Variants in SYT2 observed in about 807,000 individuals in gnomAD.
SYT2 encodes the protein synaptotagmin 2.
In SYT2, 15 loss-of-function variants were observed where a neutral mutation model predicts 39.9. That is an observed-to-expected ratio of 0.38 (90% CI 0.25 to 0.58). SYT2 has a LOEUF of 0.58. SYT2 is among the 20% of genes least tolerant of loss of function. SYT2 has a pLI of 0.70. For missense variants in SYT2, 389 were observed against 530.3 expected, an observed-to-expected ratio of 0.73 and a Z score of 2.62; for synonymous variants, 181 against 204.5, an observed-to-expected ratio of 0.89 and a Z score of 0.98.
intron 1 of SYT2, among the ~76,000 whole-genome samples, chr1:202,662,748 G>GCCC (rs1692406849): frequency 6.6e-6 from 1 of 152,210 alleles, no homozygotes; most frequent in South Asian, 2.1e-4. Flanking sequence ...TTTACTATCT[G>GCCC]AGTAGCCTTG....
intron 1 of SYT2, among the ~76,000 whole-genome samples, chr1:202,690,125 C>T (rs1653781429): frequency 6.6e-6 from 1 of 152,082 alleles, no homozygotes; most frequent in Non-Finnish European, 1.5e-5. Context: ...GCCTCCACTC[C>T]CCCTGAAGGC....
chr1:202,661,048 C>A (rs1692368717), intron 1 of SYT2, among the ~76,000 whole-genome samples: 1 of 152,154 alleles, frequency 6.6e-6, no homozygotes. Flanking sequence ...AGACATGGCT[C>A]CAGGTGCTGG....
At chr1:202,663,486 C>T (rs538171046) in intron 1 of SYT2, among the ~76,000 whole-genome samples, 1 of 152,310 alleles carries the variant, frequency 6.6e-6, no homozygotes, top group South Asian at 2.1e-4. Context: ...CTGTCCACAG[C>T]ACCGTTGTGT....
At chr1:202,692,388 T>C (rs956027267) in intron 1 of SYT2, among the ~76,000 whole-genome samples, 2 of 151,972 alleles carry the variant, frequency 1.3e-5, no homozygotes, top group Non-Finnish European at 2.9e-5. Flanking sequence ...TCTGGGATAA[T>C]AAATATTACA....
chr1:202,623,461 A>G lies in SYT2; in HGVS notation c.-17-17672T>C, dbSNP rs568096686. ...CCTCCAGGGTTCCCCACTCCCCAGC[A>G]CCCCACAACATCTCCCAAACCCACA... is the stretch of plus-strand genomic sequence containing the variant. On this transcript the variant is annotated intron_variant, in intron 1 of 8. Coordinates refer to ENST00000367268, the MANE Select transcript of SYT2 (RefSeq NM_177402.5). This position sits in a 1 kb window ranked among gnomAD's most constrained non-coding sequence, Gnocchi z 4.2. 6.6e-6 allele frequency among the ~76,000 whole-genome samples: 1 copy of G among 152,110 alleles called. No homozygotes were observed. Among genetic ancestry groups the G allele is most frequent in the South Asian group, 2.1e-4 (1 of 4,810 alleles).
At chr1:202,652,877 T>C (rs1692216983) in intron 1 of SYT2, among the ~76,000 whole-genome samples, 1 of 152,164 alleles carries the variant, frequency 6.6e-6, no homozygotes, top group South Asian at 2.1e-4. Flanking sequence ...TCATCACCAA[T>C]TCACCTAAGA....
intron 1 of SYT2, among the ~76,000 whole-genome samples, chr1:202,609,638 C>CAGTGATGATG (rs1690828569): frequency 6.6e-6 from 1 of 152,192 alleles, no homozygotes; most frequent in African/African-American, 2.4e-5. Flanking sequence ...CTCTGATGGC[C>CAGTGATGATG]AGTGATGATG....
At chr1:202,703,975 T>C (rs2149122622) in intron 1 of SYT2, among the ~76,000 whole-genome samples, 1 of 152,260 alleles carries the variant, frequency 6.6e-6, no homozygotes, top group South Asian at 2.1e-4. Flanking sequence ...CCTGCCAGAG[T>C]TCTCCATGGT....
intron 1 of SYT2, among the ~76,000 whole-genome samples, chr1:202,664,477 A>T (rs1692446923): frequency 6.6e-6 from 1 of 152,112 alleles, no homozygotes; most frequent in Admixed American, 6.5e-5. Flanking sequence ...CCACCACCCC[A>T]ATCAATATAC....
At chr1:202,693,281 T>G (rs1352361841) in intron 1 of SYT2, among the ~76,000 whole-genome samples, 1 of 152,160 alleles carries the variant, frequency 6.6e-6, no homozygotes, top group East Asian at 1.9e-4. Flanking sequence ...AAGAGGCCAT[T>G]TAAGTGAAGG....
rs569670376 is a variant in SYT2, at chr1:202,647,569, C to A, written c.-17-41780G>T. On this transcript the variant is annotated intron_variant, in intron 1 of 8. Coordinates refer to ENST00000367268, the MANE Select transcript of SYT2 (RefSeq NM_177402.5). ...GCCTTGCTGGAAACCTCACCCCTGC[C>A]CCCAGGCCCTAGCTGAATGAGGAGT... Among the ~76,000 whole-genome samples, 136 of 152,290 alleles carry A rather than the reference C, an allele frequency of 8.9e-4. No individual in the cohort carries two copies. The Middle Eastern group carries it at 0.01, about 11-fold the overall frequency.
At chr1:202,607,503 G>A (rs116458767) in intron 1 of SYT2, among the ~76,000 whole-genome samples, 4,886 of 152,168 alleles carry the variant, frequency 0.032, 104 homozygotes, top group Non-Finnish European at 0.052. Context: ...CTAGACTCAG[G>A]GTTCTTCTGA....
At chr1:202,663,576 C>G (rs1692426965) in intron 1 of SYT2, among the ~76,000 whole-genome samples, 2 of 152,240 alleles carry the variant, frequency 1.3e-5, no homozygotes, top group Admixed American at 1.3e-4. Flanking sequence ...CAAACTTACA[C>G]ATAGGTACAA....
Position 202,592,599 on chromosome 1 carries a change from A to G in SYT2, c.*4158T>C, listed in dbSNP as rs752054149. 2.0e-5 allele frequency: 3 copies of G among 152,242 alleles called. No individual in the cohort carries two copies. The highest frequency in any genetic ancestry group is 2.9e-5 in the Non-Finnish European group (2 of 68,040). The allele number at this position is 152,242 out of a possible 1,614,324, so 9.4% of individuals were successfully genotyped here. A position where few individuals can be genotyped will look rare whatever the true frequency, so the allele number is the denominator to read the frequency against. On this transcript the variant is annotated 3_prime_UTR_variant, in exon 9 of 9. Coordinates refer to ENST00000367268, the MANE Select transcript of SYT2 (RefSeq NM_177402.5). ...TTTCTAGGTAATTATCTTCTTTTAT[A>G]TATAATTAAATATACACGGATGGGG... is the stretch of plus-strand genomic sequence containing the variant.
At chr1:202,629,616 C>A (rs936152899) in intron 1 of SYT2, among the ~76,000 whole-genome samples, 2 of 152,184 alleles carry the variant, frequency 1.3e-5, no homozygotes, top group Non-Finnish European at 2.9e-5. Flanking sequence ...CAGCCAAAAC[C>A]TATCCCTAGT....
At chr1:202,669,499 C>A (rs2149108637) in intron 1 of SYT2, among the ~76,000 whole-genome samples, 1 of 151,734 alleles carries the variant, frequency 6.6e-6, no homozygotes, top group Non-Finnish European at 1.5e-5. Flanking sequence ...AAAATACAAG[C>A]AGAGAATTGC....
chr1:202,677,555 G>A (rs117487058), intron 1 of SYT2, among the ~76,000 whole-genome samples: 1 of 152,228 alleles, frequency 6.6e-6, no homozygotes, highest in East Asian at 1.9e-4. Flanking sequence ...GCCCCAACTC[G>A]CCATGTGAAT....
At chr1:202,654,326 C>T (rs903770597) in intron 1 of SYT2, among the ~76,000 whole-genome samples, 4 of 152,282 alleles carry the variant, frequency 2.6e-5, no homozygotes, top group Middle Eastern at 3.4e-3. Flanking sequence ...CTGCTGCCCA[C>T]GCTCCCTGGC....
Position 202,623,588 on chromosome 1 carries a change from G to A in SYT2, c.-17-17799C>T, listed in dbSNP as rs1171392599. On this transcript the variant is annotated intron_variant, in intron 1 of 8. Coordinates refer to ENST00000367268, the MANE Select transcript of SYT2 (RefSeq NM_177402.5). This position sits in a 1 kb window ranked among gnomAD's most constrained non-coding sequence, Gnocchi z 4.2. ...TGGGCGACCCGGAATGAGTGATTGAGTGGGGACAGATGGAGGCTTGGGGAC... is the reference window on the plus strand; with the variant it reads ...TGGGCGACCCGGAATGAGTGATTGAATGGGGACAGATGGAGGCTTGGGGAC... Among the ~76,000 whole-genome samples the A allele has an allele frequency of 6.6e-6, 1 of 152,262 alleles. No individual in the cohort carries two copies. Among genetic ancestry groups the A allele is most frequent in the Non-Finnish European group, 1.5e-5 (1 of 68,042 alleles).
Sources: gnomAD v4.1 joint callset for allele counts (sites outside exome capture counted in the v4.1 genomes callset) on GRCh38, gnomAD v4.1.1 for gene constraint, Gnocchi (gnomAD v3.1) non-coding constraint, MANE v1.5 for transcripts, NCBI Gene and HGNC (gene_info 2026-07-23, HGNC 2026-07-21) for gene names.